CHD2: variants seen among roughly 807,000 people sequenced by gnomAD.
CHD2 encodes the protein chromodomain helicase DNA binding protein 2.
Under a neutral mutation model 243.9 loss-of-function variants are expected in CHD2, and 28 were observed. The ratio of observed to expected loss-of-function variants is 0.11; its 90% confidence interval spans 0.09 to 0.16. The LOEUF is 0.16. Ranked by LOEUF, CHD2 falls within the 10% of genes least tolerant of loss-of-function variation. The pLI is 1.00. For synonymous variants in CHD2, 775 were observed against 779.0 expected (o/e 0.99, Z 0.09); for missense variants, 1,386 against 2,209.8 (o/e 0.63, Z 7.47).
At chr15:92,975,439 TG>T (rs2053895019) in intron 20 of CHD2, among the ~76,000 whole-genome samples, 1 of 152,170 alleles carries the variant, frequency 6.6e-6, no homozygotes, top group African/African-American at 2.4e-5. Context: ...GTATTTTGTT[TG>T]GGGGGCACAT....
intron 12 of CHD2, chr15:92,946,984 T>C (rs760952753): frequency 3.5e-4 from 53 of 152,170 alleles, no homozygotes; most frequent in African/African-American, 1.2e-3. Context: ...CGAGTGTCTT[T>C]GAATTCTAAG....
At chr15:92,982,924 A>G (rs1350797143) in intron 24 of CHD2, among the ~76,000 whole-genome samples, 1 of 152,172 alleles carries the variant, frequency 6.6e-6, no homozygotes, top group Non-Finnish European at 1.5e-5. Flanking sequence ...TGGTTTATAA[A>G]CAATAGAAAT....
intron 33 of CHD2, among the ~76,000 whole-genome samples, chr15:93,003,879 A>G (rs2054288253): frequency 6.6e-6 from 1 of 151,974 alleles, no homozygotes; most frequent in Admixed American, 6.6e-5. Flanking sequence ...TAATCCCAGC[A>G]CTTTGGGAGG....
Position 92,910,499 on chromosome 15 carries a change from T to C in CHD2, c.62+9200T>C, listed in dbSNP as rs149007025. 7.0e-4 allele frequency among the ~76,000 whole-genome samples: 107 copies of C among 152,276 alleles called. 2 individuals carry two copies. The East Asian group carries it at 0.019, about 27-fold the overall frequency. ...CCTCCGCCTCCCAGGTTCAAGCGATTGTTCTGCATCAGCCTCCCGAGTGGT... is the reference window on the plus strand; with the variant it reads ...CCTCCGCCTCCCAGGTTCAAGCGATCGTTCTGCATCAGCCTCCCGAGTGGT... On this transcript the variant is annotated intron_variant, in intron 2 of 38. Transcript: ENST00000394196.
At chr15:93,006,100 T>TATGCTTTTTCTGTC (rs1401446648) in intron 34 of CHD2, among the ~76,000 whole-genome samples, 1 of 151,362 alleles carries the variant, frequency 6.6e-6, no homozygotes, top group Non-Finnish European at 1.5e-5. Flanking sequence ...CCTCTCAACC[T>TATGCTTTTTCTGTC]ATGCTTTTTC....
intron 16 of CHD2, among the ~76,000 whole-genome samples, chr15:92,960,637 G>GA (rs1304105750): frequency 7.1e-6 from 1 of 141,680 alleles, no homozygotes; most frequent in East Asian, 2.1e-4. Flanking sequence ...AACAGTGTTT[G>GA]ATACTTTCTA....
At chr15:92,903,746 A>C (rs968396974) in intron 2 of CHD2, among the ~76,000 whole-genome samples, 1 of 152,220 alleles carries the variant, frequency 6.6e-6, no homozygotes, top group African/African-American at 2.4e-5. Context: ...GTGTGCACAC[A>C]AAGAGTTCAG....
intron 28 of CHD2, among the ~76,000 whole-genome samples, chr15:92,996,373 T>C (rs757701250): frequency 2.6e-5 from 4 of 151,856 alleles, no homozygotes; most frequent in Non-Finnish European, 5.9e-5. Context: ...TGTTAGCCAG[T>C]ATGGTCTCGA....
At position 92,927,241 on chromosome 15, in the gene CHD2, C is replaced by T. The variant is rs1482849424; in HGVS notation, c.295-3C>T. ...ATTAATGCGTGGTCTCTTAATTTTA[C>T]AGATGTGGGAAGAATATCCTGATGT... On this transcript the variant is annotated splice_polypyrimidine_tract_variant and splice_region_variant and intron_variant, in intron 3 of 38. Coordinates refer to ENST00000394196, the MANE Select transcript of CHD2 (RefSeq NM_001271.4). 1.2e-6 allele frequency: 2 copies of T among 1,606,862 alleles called. No individual in the cohort carries two copies. The highest frequency in any genetic ancestry group is 2.2e-5 in the East Asian group (1 of 44,814).
chr15:92,955,343 T>C (rs1461439283), intron 14 of CHD2, 80 bp from the exon 15 acceptor site: 2 of 783,728 alleles, frequency 2.6e-6, no homozygotes, highest in Non-Finnish European at 3.9e-6. Flanking sequence ...GGCATGTTTC[T>C]ATTACATCAA....
At chr15:92,953,835 T>A in intron 14 of CHD2, 1 of 421,000 alleles carries the variant, frequency 2.4e-6, no homozygotes, top group Non-Finnish European at 4.3e-6. Flanking sequence ...TTTTCTTCTC[T>A]CTGCCCTTTT....
intron 2 of CHD2, among the ~76,000 whole-genome samples, chr15:92,913,143 A>G (rs773738585): frequency 6.6e-6 from 1 of 152,222 alleles, no homozygotes; most frequent in South Asian, 2.1e-4. Flanking sequence ...GGTTGTGTCC[A>G]AGAATCTGTA....
chr15:93,011,715 C>T (rs1345967944), intron 35 of CHD2, among the ~76,000 whole-genome samples: 1 of 152,126 alleles, frequency 6.6e-6, no homozygotes, highest in Non-Finnish European at 1.5e-5. Flanking sequence ...ATATCATTCC[C>T]CTGTTGCGCA....
chr15:92,980,258 T>C (rs1231467355), intron 22 of CHD2, among the ~76,000 whole-genome samples: 2 of 147,712 alleles, frequency 1.4e-5, no homozygotes, highest in African/African-American at 5.0e-5. Context: ...ACAGGGTTTT[T>C]CCATGTTGGC....
At chr15:92,992,721 C>A in intron 27 of CHD2, 138 bp from the exon 28 acceptor site, 3 of 984,620 alleles carry the variant, frequency 3.0e-6, no homozygotes, top group Non-Finnish European at 4.4e-6. Context: ...CTTGTTGGAG[C>A]CTTAGAATGA....
intron 2 of CHD2, among the ~76,000 whole-genome samples, chr15:92,917,660 T>C (rs1304191919): frequency 1.3e-5 from 2 of 152,250 alleles, no homozygotes; most frequent in African/African-American, 2.4e-5. Context: ...GGAATAGTTA[T>C]GCAATGACAT....
intron 2 of CHD2, among the ~76,000 whole-genome samples, chr15:92,913,784 T>TG (rs2052785459): frequency 6.6e-6 from 1 of 152,098 alleles, no homozygotes; most frequent in Admixed American, 6.6e-5. Flanking sequence ...TCCAAGAGCT[T>TG]GCGGCTGCAG....
At chr15:92,915,073 C>G (rs1228192853) in intron 2 of CHD2, 1 of 152,072 alleles carries the variant, frequency 6.6e-6, no homozygotes, top group African/African-American at 2.4e-5. Flanking sequence ...TCTAGGAGCT[C>G]GGTCCAAATT....
At chr15:92,964,651 G>A (rs987374816) in intron 16 of CHD2, among the ~76,000 whole-genome samples, 2 of 152,184 alleles carry the variant, frequency 1.3e-5, no homozygotes, top group Admixed American at 1.3e-4. Context: ...GGGTGGCTCT[G>A]ACAGGGAGTA....
Sources: gnomAD v4.1 joint callset for allele counts (sites outside exome capture counted in the v4.1 genomes callset) on GRCh38, gnomAD v4.1.1 for gene constraint, MANE v1.5 for transcripts, NCBI Gene and HGNC (gene_info 2026-07-23, HGNC 2026-07-21) for gene names.